The following HSPA14 variants were observed in gnomAD, a reference collection of about 807,000 sequenced individuals.
The protein encoded by HSPA14 is heat shock protein family A (Hsp70) member 14.
HSPA14 carries 37 observed loss-of-function variants against 65.5 expected under a neutral mutation model. The ratio of observed to expected loss-of-function variants is 0.56; its 90% CI spans 0.43 to 0.74. HSPA14 has a LOEUF of 0.74. HSPA14 is among the 30% of genes least tolerant of loss of function. The pLI, the probability that HSPA14 is intolerant of heterozygous loss-of-function variation, is 0.00. For missense variants in HSPA14, 564 were observed against 607.6 expected, an observed-to-expected ratio of 0.93 and a Z score of 0.75; for synonymous variants, 203 against 214.2, an observed-to-expected ratio of 0.95 and a Z score of 0.46.
intron 12 of HSPA14, among the ~76,000 whole-genome samples, chr10:14,868,536 A>T (rs2131651655): frequency 6.6e-6 from 1 of 151,726 alleles, no homozygotes; most frequent in African/African-American, 2.4e-5. Context: ...CGGACTGCAG[A>T]ACAGTATTTG....
rs753391975 is a variant in HSPA14 at position 14,849,829 on chromosome 10, A to G, written c.467+18A>G. On this transcript the variant is annotated intron_variant, in intron 6 of 13. Coordinates refer to ENST00000378372, the MANE Select transcript of HSPA14 (RefSeq NM_016299.4). ...GCTCTTGGGTAAGTATATGGGGTTT[A>G]TCTTACTGGCTTAATTAAAGGAAGT... 3.4e-6 allele frequency: 5 copies of G among 1,469,788 alleles called. No homozygotes were observed. In the South Asian group the frequency reaches 4.7e-5, roughly 14 times the overall value. 91.0% of individuals were successfully genotyped at this position (1,469,788 alleles called of 1,614,324 possible). A position where few individuals can be genotyped will look rare whatever the true frequency, so the allele number is the denominator to read the frequency against.
Position 14,838,346 on chromosome 10 carries a change from G to A in HSPA14, c.-57G>A. ...GCCTGATGGGGCCGTTGGGCGGCCGGTAGCTGTTGCTGTTGGGGGACCCCC... is the reference window on the plus strand; with the variant it reads ...GCCTGATGGGGCCGTTGGGCGGCCGATAGCTGTTGCTGTTGGGGGACCCCC... On this transcript the variant is annotated 5_prime_UTR_variant, in exon 1 of 14. Coordinates refer to ENST00000378372, the MANE Select transcript of HSPA14 (RefSeq NM_016299.4). 1 of 1,527,894 alleles carries A rather than the reference G, an allele frequency of 6.5e-7. No homozygotes were observed. The highest frequency in any genetic ancestry group is 8.9e-7 in the Non-Finnish European group (1 of 1,128,686). The allele number at this position is 1,527,894 out of a possible 1,614,324, so 94.6% of individuals were successfully genotyped here. A position where few individuals can be genotyped will look rare whatever the true frequency, so the allele number is the denominator to read the frequency against.
intron 7 of HSPA14, among the ~76,000 whole-genome samples, 183 bp from the exon 8 acceptor site, chr10:14,852,187 G>C (rs1382046909): frequency 6.6e-6 from 1 of 152,178 alleles, no homozygotes; most frequent in East Asian, 1.9e-4. Context: ...CTTTGATTTG[G>C]TTGCAGAACA....
At chr10:14,867,377 A>T in intron 11 of HSPA14, 82 bp downstream of exon 11, 1 of 948,476 alleles carries the variant, frequency 1.1e-6, no homozygotes, top group East Asian at 2.5e-5. Context: ...AATTGCCATA[A>T]GTTTTTATAC....
rs1564319958 is a variant in HSPA14 at position 14,843,916 on chromosome 10, G to C, written c.221+3759G>C. ...CTAGGAACCAATTACAAAAGGCTCT[G>C]CTTCCTAAACTGGTAGAAGTCTAGT... On this transcript the variant is annotated intron_variant, in intron 3 of 13. Coordinates refer to ENST00000378372, the MANE Select transcript of HSPA14 (RefSeq NM_016299.4). 6 of 1,535,460 alleles carry C rather than the reference G, an allele frequency of 3.9e-6. No individual in the cohort carries two copies. The South Asian group carries it at 6.0e-5, about 15-fold the overall frequency.
chr10:14,867,726 T>G lies in HSPA14; in HGVS notation c.1207-10T>G. 1 of 1,606,970 alleles carries G rather than the reference T, an allele frequency of 6.2e-7. No individual in the cohort carries two copies. The highest frequency in any genetic ancestry group is 1.3e-5 in the African/African-American group (1 of 74,634). Reference sequence around the variant, plus strand: ...ACCAAAGAGTATGCACCTTGTTTCCTGCTAACTAGGGTGTGGACGAATCAG... The same window carrying G: ...ACCAAAGAGTATGCACCTTGTTTCCGGCTAACTAGGGTGTGGACGAATCAG... On this transcript the variant is annotated splice_polypyrimidine_tract_variant and intron_variant, in intron 11 of 13. Transcript: ENST00000378372.
intron 1 of HSPA14, among the ~76,000 whole-genome samples, chr10:14,839,097 C>CTACAGAG (rs1833934788): frequency 2.6e-5 from 4 of 152,134 alleles, no homozygotes; most frequent in Non-Finnish European, 4.4e-5. Context: ...GTTGATGGTG[C>CTACAGAG]GTGGTCTACA....
At chr10:14,847,063 T>G in intron 3 of HSPA14, 1 of 984,186 alleles carries the variant, frequency 1.0e-6, no homozygotes, top group Non-Finnish European at 1.2e-6. Context: ...CATTCTCTGC[T>G]TTGCTTTCTC....
rs1271357344 is a variant in HSPA14, at chr10:14,848,786, A to G, written c.271-4A>G. 2.0e-6 allele frequency: 3 copies of G among 1,501,496 alleles called. No homozygotes were observed. The highest frequency in any genetic ancestry group is 2.3e-5 in the East Asian group (1 of 44,124). 93.0% of individuals were successfully genotyped at this position (1,501,496 alleles called of 1,614,324 possible). ...ATTTAGCATAATTGTAATTTATTTT[A>G]TAGGTCATTGAAAAAAATGGGAAAT... On this transcript the variant is annotated splice_region_variant and splice_polypyrimidine_tract_variant and intron_variant, in intron 4 of 13. Coordinates refer to ENST00000378372, the MANE Select transcript of HSPA14 (RefSeq NM_016299.4).
chr10:14,838,787 CT>C (rs1180352156), intron 1 of HSPA14, among the ~76,000 whole-genome samples: 1 of 152,032 alleles, frequency 6.6e-6, no homozygotes, highest in African/African-American at 2.4e-5. Context: ...AGCGGGGCCG[CT>C]GGGTGTCCCG....
At chr10:14,871,404 AT>A (rs746881425) in intron 13 of HSPA14, 123 bp from the exon 14 acceptor site, 10 of 635,246 alleles carry the variant, frequency 1.6e-5, no homozygotes, top group Non-Finnish European at 2.5e-5. Context: ...CTTTACATTA[AT>A]ACCCTTCTTT....
In HSPA14 at chr10:14,870,683, T is replaced by G. The variant is rs1832846436; in HGVS notation, c.1451+16T>G. On this transcript the variant is annotated intron_variant, in intron 13 of 13. Coordinates refer to ENST00000378372, the MANE Select transcript of HSPA14 (RefSeq NM_016299.4). Reference sequence around the variant, plus strand: ...CTATGAAAAGGTAAAAAATTAAACTTCTGTTGTTAAGAAAATTCAATTTGA... The same window carrying G: ...CTATGAAAAGGTAAAAAATTAAACTGCTGTTGTTAAGAAAATTCAATTTGA... 1.3e-6 allele frequency: 2 copies of G among 1,537,482 alleles called. No homozygotes were observed. The highest frequency in any genetic ancestry group is 2.8e-5 in the African/African-American group (2 of 72,118).
intron 3 of HSPA14, chr10:14,846,917 G>A: frequency 3.0e-6 from 3 of 985,396 alleles, no homozygotes; most frequent in Non-Finnish European, 3.6e-6. Flanking sequence ...TAAATAAGGT[G>A]CTATGTATAC....
At chr10:14,848,243 G>T (rs1015640947) in intron 3 of HSPA14, among the ~76,000 whole-genome samples, 2 of 152,054 alleles carry the variant, frequency 1.3e-5, no homozygotes, top group Non-Finnish European at 2.9e-5. Flanking sequence ...CCTTTAGTTT[G>T]CAACTTTCTC....
intron 7 of HSPA14, among the ~76,000 whole-genome samples, chr10:14,851,685 A>G (rs1472428100): frequency 6.6e-5 from 10 of 152,232 alleles, no homozygotes; most frequent in Non-Finnish European, 1.5e-4. Context: ...TACATTTGAC[A>G]GGGCAGGAGA....
Position 14,842,966 on chromosome 10 carries a change from C to A in HSPA14, c.221+2809C>A. On this transcript the variant is annotated intron_variant, in intron 3 of 13. Coordinates refer to ENST00000378372, the MANE Select transcript of HSPA14 (RefSeq NM_016299.4). The surrounding 1 kb of genome is among the most constrained non-coding windows in gnomAD (Gnocchi z 5.2). ...TTCCTGTTTCTGCCTCATTCTGCCCCACGCACCTTTTCAAAAACCTAATAG... is the reference window on the plus strand; with the variant it reads ...TTCCTGTTTCTGCCTCATTCTGCCCAACGCACCTTTTCAAAAACCTAATAG... The A allele has an allele frequency of 1.3e-6, 1 of 799,704 alleles. No individual in the cohort carries two copies. The allele number at this position is 799,704 out of a possible 1,614,324, so 49.5% of individuals were successfully genotyped here. A position where few individuals can be genotyped will look rare whatever the true frequency, so the allele number is the denominator to read the frequency against.
At position 14,838,383 on chromosome 10, in the gene HSPA14, G is replaced by A; in HGVS notation, c.-20G>A. 2 of 1,594,782 alleles carry A rather than the reference G, an allele frequency of 1.3e-6. No individual in the cohort carries two copies. The highest frequency in any genetic ancestry group is 1.7e-6 in the Non-Finnish European group (2 of 1,173,232). On this transcript the variant is annotated 5_prime_UTR_variant, in exon 1 of 14. Transcript: ENST00000378372. ...GTTGGGGGACCCCCTCATTCCTGCC[G>A]CTGCCGTCCCTGCTGCCTCATGGCG...
intron 10 of HSPA14, among the ~76,000 whole-genome samples, chr10:14,859,203 G>C (rs569523856): frequency 6.6e-6 from 1 of 152,258 alleles, no homozygotes; most frequent in Admixed American, 6.5e-5. Context: ...CCTCCCTGAT[G>C]TGGGAGAAGG....
intron 10 of HSPA14, among the ~76,000 whole-genome samples, chr10:14,864,794 T>C (rs540740763): frequency 2.0e-4 from 30 of 152,340 alleles, no homozygotes; most frequent in African/African-American, 6.5e-4. Flanking sequence ...TATGTGTGCA[T>C]GTGTCTTTAT....
Sources: allele counts gnomAD v4.1 joint callset (sites outside exome capture counted in the v4.1 genomes callset), GRCh38; gene constraint gnomAD v4.1.1; non-coding constraint Gnocchi (gnomAD v3.1); transcripts MANE v1.5; gene names NCBI Gene and HGNC (gene_info 2026-07-23, HGNC 2026-07-21).